The following P2RX1 variants were observed in gnomAD, a reference collection of about 807,000 sequenced individuals.
P2RX1 encodes P2X purinoceptor 1.
Under a neutral mutation model 50.3 loss-of-function variants are expected in P2RX1, and 42 were observed. The observed-to-expected ratio is 0.83, with a 90% CI of 0.65 to 1.08. P2RX1 has a LOEUF of 1.08. Among genes scored for constraint, P2RX1 ranks in the 50% least tolerant of loss-of-function variants. The pLI, the probability that P2RX1 is intolerant of heterozygous loss-of-function variation, is 0.00. For synonymous variants in P2RX1, 199 were observed against 202.6 expected (o/e 0.98, Z 0.15); for missense variants, 449 against 529.0 (o/e 0.85, Z 1.48).
Position 3,898,345 on chromosome 17 carries a change from G to T in P2RX1, c.1032+139C>A, listed in dbSNP as rs1253751456. 3 of 790,876 alleles carry T rather than the reference G, an allele frequency of 3.8e-6. No homozygotes were observed. The South Asian group carries it at 4.4e-5, about 11-fold the overall frequency. 49.0% of individuals were successfully genotyped at this position (790,876 alleles called of 1,614,324 possible). A position where few individuals can be genotyped will look rare whatever the true frequency, so the allele number is the denominator to read the frequency against. ...TTGGTTTTCTTAGATCTATGTAGTT[G>T]GTGGGGTGGGCAGCTGCTGGCTCAA... is the stretch of plus-strand genomic sequence containing the variant. On this transcript the variant is annotated intron_variant, in intron 10 of 11. Transcript: ENST00000225538.
Position 3,905,251 on chromosome 17 carries a change from C to T in P2RX1, c.254G>A (p.Trp85Ter). Residue 85 changes from tryptophan (W) to a stop codon, truncating the protein, a stop_gained, in exon 2 of 12, where the codon TGG (tryptophan) becomes TAG (stop). Coordinates refer to ENST00000225538, the MANE Select transcript of P2RX1 (RefSeq NM_002558.4). LOFTEE classifies it high-confidence loss of function. ...TQLPGLGPQV[W>*]DVADYVFPAQ... is the part of the protein sequence containing the mutation. Reference sequence around the variant, plus strand: ...TGGGAAGACGTAGTCAGCCACATCCCAGACCTGGGGGCCGAGGCCAGGGAG... The same window carrying T: ...TGGGAAGACGTAGTCAGCCACATCCTAGACCTGGGGGCCGAGGCCAGGGAG... The T allele has an allele frequency of 6.2e-7, 1 of 1,613,706 alleles. No individual in the cohort carries two copies. The highest frequency in any genetic ancestry group is 8.5e-7 in the Non-Finnish European group (1 of 1,180,016).
rs539959490 is a variant in P2RX1 at position 3,898,842 on chromosome 17, C to T, written c.966+92G>A. 130 of 1,057,724 alleles carry T rather than the reference C, an allele frequency of 1.2e-4. 1 individual carries two copies. The South Asian group carries it at 1.5e-3, about 13-fold the overall frequency. The allele number at this position is 1,057,724 out of a possible 1,614,324, so 65.5% of individuals were successfully genotyped here. ...AAAACTGCTGGATGAACCCACCCAACTTCCGGTTGTCTATAACTGTAGATG... is the reference window on the plus strand; with the variant it reads ...AAAACTGCTGGATGAACCCACCCAATTTCCGGTTGTCTATAACTGTAGATG... On this transcript the variant is annotated intron_variant, in intron 9 of 11. Transcript: ENST00000225538.
Position 3,900,020 on chromosome 17 carries a change from G to A in P2RX1, c.748-259C>T, listed in dbSNP as rs557588124. ...GGAGGCTGAGGTAGAGGAATCACTT[G>A]AACCTGGGAGGCGGAGGTTGCAGTG... On this transcript the variant is annotated intron_variant, in intron 7 of 11. Coordinates refer to ENST00000225538, the MANE Select transcript of P2RX1 (RefSeq NM_002558.4). 2.6e-5 allele frequency among the ~76,000 whole-genome samples: 4 copies of A among 152,254 alleles called. No individual in the cohort carries two copies. In the South Asian group the frequency reaches 8.3e-4, roughly 32 times the overall value.
chr17:3,907,658 A>C (rs2056292239), intron 1 of P2RX1, among the ~76,000 whole-genome samples: 1 of 152,136 alleles, frequency 6.6e-6, no homozygotes, highest in Non-Finnish European at 1.5e-5. Flanking sequence ...ATGCTCCCGA[A>C]GCCTAAGCTT....
intron 9 of P2RX1, 48 bp from the exon 10 acceptor site, chr17:3,898,597 C>T: frequency 6.7e-7 from 1 of 1,490,124 alleles, no homozygotes; most frequent in South Asian, 1.1e-5. Context: ...GGAAGGGGCC[C>T]AGCTGGAAAA....
chr17:3,903,714 G>A lies in P2RX1; in HGVS notation c.525-83C>T. On this transcript the variant is annotated intron_variant, in intron 5 of 11. Coordinates refer to ENST00000225538, the MANE Select transcript of P2RX1 (RefSeq NM_002558.4). The surrounding 1 kb of genome is among the most constrained non-coding windows in gnomAD (Gnocchi z 4.6). ...CACAGAGCTTGGCACAGCAGGGGGT[G>A]GGCCGAGCCTCCGGGACCCGCCTGC... 2 of 1,470,976 alleles carry A rather than the reference G, an allele frequency of 1.4e-6. No individual in the cohort carries two copies. Among genetic ancestry groups the A allele is most frequent in the Non-Finnish European group, 1.9e-6 (2 of 1,055,130 alleles). The allele number at this position is 1,470,976 out of a possible 1,614,324, so 91.1% of individuals were successfully genotyped here.
rs2159438 is a variant in P2RX1, at chr17:3,914,609, C to G, written c.137+1480G>C. 0.2 allele frequency among the ~76,000 whole-genome samples: 30,699 copies of G among 152,086 alleles called. 4,783 individuals are homozygous for G. Among genetic ancestry groups the G allele is most frequent in the African/African-American group, 0.43 (17,963 of 41,442 alleles). On this transcript the variant is annotated intron_variant, in intron 1 of 11. Coordinates refer to ENST00000225538, the MANE Select transcript of P2RX1 (RefSeq NM_002558.4). The surrounding 1 kb of genome is among the most constrained non-coding windows in gnomAD (Gnocchi z 4.1). ...CTGCGCAGACAGCCTCTCCCAGGGA[C>G]GGTCAGGAGTGATACTAAGGGTGGA...
rs145716757 is a variant in P2RX1, at chr17:3,908,389, C to T, written c.138-3022G>A. 3.6e-3 allele frequency among the ~76,000 whole-genome samples: 552 copies of T among 152,108 alleles called. 4 individuals are homozygous for T. Among genetic ancestry groups the T allele is most frequent in the Middle Eastern group, 0.01 (3 of 294 alleles). ...CAGCTTGGCCAACATGGTGAAACCCCAACTCTACTAAAAATACAAAAACTA... is the reference window on the plus strand; with the variant it reads ...CAGCTTGGCCAACATGGTGAAACCCTAACTCTACTAAAAATACAAAAACTA... On this transcript the variant is annotated intron_variant, in intron 1 of 11. Transcript: ENST00000225538.
intron 7 of P2RX1, among the ~76,000 whole-genome samples, chr17:3,900,364 G>A (rs1053415837): frequency 2.0e-5 from 3 of 151,684 alleles, no homozygotes; most frequent in African/African-American, 4.8e-5. Context: ...TGAGGCAGGA[G>A]AATCATTTGA....
intron 1 of P2RX1, among the ~76,000 whole-genome samples, chr17:3,908,463 T>G (rs2056306409): frequency 6.6e-6 from 1 of 152,142 alleles, no homozygotes; most frequent in African/African-American, 2.4e-5. Context: ...CTTGGGAGGC[T>G]GAGGCAGAGA....
chr17:3,903,874 CCT>C lies in P2RX1; in HGVS notation c.524+52_524+53del. On this transcript the variant is annotated intron_variant, in intron 5 of 11. Transcript: ENST00000225538. This position sits in a 1 kb window ranked among gnomAD's most constrained non-coding sequence, Gnocchi z 4.6. ...AAGATCCTTTCTAGACCTAGGCCCCCCTCTGTCTGGCCTGGGACCCTGTTCTT... is the reference window on the plus strand; with the variant it reads ...AAGATCCTTTCTAGACCTAGGCCCCCCTGTCTGGCCTGGGACCCTGTTCTT... The C allele has an allele frequency of 7.0e-7, 1 of 1,427,640 alleles. No homozygotes were observed. The highest frequency in any genetic ancestry group is 1.1e-5 in the South Asian group (1 of 87,262). 88.4% of individuals were successfully genotyped at this position (1,427,640 alleles called of 1,614,324 possible). A position where few individuals can be genotyped will look rare whatever the true frequency, so the allele number is the denominator to read the frequency against.
At position 3,897,998 on chromosome 17, in the gene P2RX1, G is replaced by T; in HGVS notation, c.1134+11C>A. 6.2e-7 allele frequency: 1 copy of T among 1,612,880 alleles called. No homozygotes were observed. The highest frequency in any genetic ancestry group is 2.2e-5 in the East Asian group (1 of 44,832). ...GGCCTTCGAAGGGCCTGGCTCGGGG[G>T]GTTCTCTTACCGCCCCTGGCCCCAT... is the stretch of plus-strand genomic sequence containing the variant. On this transcript the variant is annotated intron_variant, in intron 11 of 11. Transcript: ENST00000225538.
chr17:3,903,837 GAA>G lies in P2RX1; in HGVS notation c.524+89_524+90del. On this transcript the variant is annotated intron_variant, in intron 5 of 11. Transcript: ENST00000225538. This position sits in a 1 kb window ranked among gnomAD's most constrained non-coding sequence, Gnocchi z 4.6. ...CGCGGATGGGGTGAGGGTGGGGTCA[GAA>G]AAAGGGGTAAAGATCCTTTCTAGAC... 1 of 1,252,996 alleles carries G rather than the reference GAA, an allele frequency of 8.0e-7. No individual in the cohort carries two copies. The highest frequency in any genetic ancestry group is 1.2e-5 in the South Asian group (1 of 82,916). The allele number at this position is 1,252,996 out of a possible 1,614,324, so 77.6% of individuals were successfully genotyped here. A position where few individuals can be genotyped will look rare whatever the true frequency, so the allele number is the denominator to read the frequency against.
chr17:3,904,170 G>A, intron 4 of P2RX1, 146 bp from the exon 5 acceptor site: 1 of 1,019,400 alleles, frequency 9.8e-7, no homozygotes, highest in Non-Finnish European at 1.5e-6. Context: ...GGCAGGCCAA[G>A]CCAGGGCGGA....
At chr17:3,907,912 T>G (rs1392684157) in intron 1 of P2RX1, among the ~76,000 whole-genome samples, 1 of 152,240 alleles carries the variant, frequency 6.6e-6, no homozygotes, top group Non-Finnish European at 1.5e-5. Flanking sequence ...TGGGCCCCTC[T>G]GCAGGACAGG....
chr17:3,903,185 G>A lies in P2RX1; in HGVS notation c.747+17C>T, dbSNP rs200833685. On this transcript the variant is annotated intron_variant, in intron 7 of 11. Coordinates refer to ENST00000225538, the MANE Select transcript of P2RX1 (RefSeq NM_002558.4). This position sits in a 1 kb window ranked among gnomAD's most constrained non-coding sequence, Gnocchi z 4.6. Reference sequence around the variant, plus strand: ...GCGGCCCAGCCCTCCCCACGTGCCTGGCACCATGCTCCATACCTTCTCAGC... The same window carrying A: ...GCGGCCCAGCCCTCCCCACGTGCCTAGCACCATGCTCCATACCTTCTCAGC... 6.8e-6 allele frequency: 11 copies of A among 1,613,934 alleles called. No homozygotes were observed. The African/African-American group carries it at 1.3e-4, about 20-fold the overall frequency.
At position 3,916,181 on chromosome 17, in the gene P2RX1, C is replaced by T. The variant is rs759943042; in HGVS notation, c.45G>A (p.Glu15=). 1.2e-6 allele frequency: 2 copies of T among 1,613,384 alleles called. No individual in the cohort carries two copies. The highest frequency in any genetic ancestry group is 2.2e-5 in the East Asian group (1 of 44,878). ...FQEELAAFLF[E]YDTPRMVLVR... ...CCAGCACCATGCGGGGGGTGTCATA[C>T]TCGAAGAGGAAGGCGGCCAGCTCCT... is the stretch of plus-strand genomic sequence containing the variant. Residue 15 remains glutamate (E), a synonymous_variant, in exon 1 of 12, where the codon GAG becomes GAA. Transcript: ENST00000225538.
At position 3,897,512 on chromosome 17, in the gene P2RX1, G is replaced by C; in HGVS notation, c.*302C>G. On this transcript the variant is annotated 3_prime_UTR_variant, in exon 12 of 12. Transcript: ENST00000225538. ...GCAGCGGGTTGGATAATGAGAGTCC[G>C]GAGAGAGAAGCACGAAGCTAGGGTG... The C allele has an allele frequency of 1.9e-6, 1 of 522,600 alleles. No homozygotes were observed. Among genetic ancestry groups the C allele is most frequent in the Non-Finnish European group, 3.5e-6 (1 of 287,558 alleles). The allele number at this position is 522,600 out of a possible 1,614,324, so 32.4% of individuals were successfully genotyped here. A position where few individuals can be genotyped will look rare whatever the true frequency, so the allele number is the denominator to read the frequency against.
At chr17:3,904,464 C>A in intron 3 of P2RX1, 65 bp from the exon 4 acceptor site, 1 of 1,425,394 alleles carries the variant, frequency 7.0e-7, no homozygotes, top group South Asian at 1.2e-5. Flanking sequence ...AGCCCCTCTC[C>A]CCACCCCCCA....
Sources: gnomAD v4.1 joint callset for allele counts (sites outside exome capture counted in the v4.1 genomes callset) on GRCh38, gnomAD v4.1.1 for gene constraint, Gnocchi (gnomAD v3.1) non-coding constraint, MANE v1.5 for transcripts, NCBI Gene and HGNC (gene_info 2026-07-23, HGNC 2026-07-21) for gene names.